Variants in RORA observed in about 807,000 individuals in gnomAD.
The protein encoded by RORA is nuclear receptor ROR-alpha.
RORA carries 7 observed loss-of-function variants against 69.5 expected under a neutral mutation model. The observed-to-expected ratio is 0.10, with a 90% CI of 0.06 to 0.19. The LOEUF (loss-of-function observed/expected upper bound fraction) is 0.19. RORA is among the 10% of genes least tolerant of loss of function. The pLI is 1.00. For missense variants in RORA, 457 were observed against 663.0 expected, an observed-to-expected ratio of 0.69 and a Z score of 3.41; for synonymous variants, 261 against 240.8, an observed-to-expected ratio of 1.08 and a Z score of -0.78.
intron 2 of RORA, among the ~76,000 whole-genome samples, chr15:60,650,345 A>G (rs1451707812): frequency 6.6e-6 from 1 of 152,064 alleles, no homozygotes; most frequent in African/African-American, 2.4e-5. Flanking sequence ...TTCAGTTTCT[A>G]TTTACGCTGC....
intron 2 of RORA, chr15:60,547,700 T>G (rs115801619): frequency 6.6e-6 from 1 of 151,982 alleles, no homozygotes; most frequent in African/African-American, 2.4e-5. Context: ...TAACTATTGG[T>G]TGTTTTCAAA....
chr15:61,177,143 T>C (rs2079636207), intron 1 of RORA, among the ~76,000 whole-genome samples: 1 of 152,214 alleles, frequency 6.6e-6, no homozygotes, highest in Non-Finnish European at 1.5e-5. Flanking sequence ...AGTTCTGATG[T>C]TTAATTCTAG....
intron 7 of RORA, 26 bp downstream of exon 7, chr15:60,503,509 T>G: frequency 1.2e-6 from 2 of 1,613,010 alleles, no homozygotes; most frequent in East Asian, 4.5e-5. Context: ...GGAAGAGATC[T>G]CAAAATTCAC....
chr15:60,684,158 G>T (rs1382577673), intron 1 of RORA, among the ~76,000 whole-genome samples: 2 of 151,780 alleles, frequency 1.3e-5, no homozygotes, highest in Non-Finnish European at 2.9e-5. Flanking sequence ...TACCAAACCA[G>T]CATTTCCAGA....
chr15:61,016,177 C>T (rs1025139980), intron 1 of RORA, among the ~76,000 whole-genome samples: 1 of 152,280 alleles, frequency 6.6e-6, no homozygotes, highest in South Asian at 2.1e-4. Context: ...ACATCTCAGT[C>T]TTCTCATCTC....
chr15:60,894,572 G>T (rs1039973138), intron 1 of RORA, among the ~76,000 whole-genome samples: 1 of 152,208 alleles, frequency 6.6e-6, no homozygotes, highest in African/African-American at 2.4e-5. Context: ...CTTCCTGGAG[G>T]ATGAGCAAGG....
intron 1 of RORA, among the ~76,000 whole-genome samples, chr15:60,750,769 T>A (rs2071712735): frequency 6.6e-6 from 1 of 152,204 alleles, no homozygotes; most frequent in South Asian, 2.1e-4. Context: ...GTATTTTACC[T>A]TCAGGGAAGG....
chr15:60,562,394 C>A lies in RORA; in HGVS notation c.197-30543G>T, dbSNP rs118069988. Among the ~76,000 whole-genome samples, 57 of 151,524 alleles carry A rather than the reference C, an allele frequency of 3.8e-4. No individual in the cohort carries two copies. In the East Asian group the frequency reaches 0.011, roughly 28 times the overall value. On this transcript the variant is annotated intron_variant, in intron 2 of 10. Transcript: ENST00000335670. ...GGGATGACAGGCATGTGCCAATATGCCCAGCTAGTTTTTACATTTTTTTTT... is the reference window on the plus strand; with the variant it reads ...GGGATGACAGGCATGTGCCAATATGACCAGCTAGTTTTTACATTTTTTTTT...
chr15:60,592,653 CGGG>C, intron 2 of RORA: 1 of 1,114,312 alleles, frequency 9.0e-7, no homozygotes. Context: ...AGGCGGGAGG[CGGG>C]AGGCAGGCGC....
rs143182346 is a variant in RORA, at chr15:60,757,429, A to T, written c.167-78743T>A. Among the ~76,000 whole-genome samples the T allele has an allele frequency of 3.2e-3, 480 of 152,276 alleles. 3 individuals are homozygous for T. The highest frequency in any genetic ancestry group is 0.011 in the African/African-American group (453 of 41,556). On this transcript the variant is annotated intron_variant, in intron 1 of 10. Coordinates refer to ENST00000335670, the MANE Select transcript of RORA (RefSeq NM_134261.3). ...CACCTTACACAGTCAAACTTCTGCA[A>T]AGAGTATTTTTCTGCCATTTTCTCT...
chr15:60,505,017 G>A (rs533897735), intron 6 of RORA, among the ~76,000 whole-genome samples: 7 of 152,194 alleles, frequency 4.6e-5, no homozygotes, highest in African/African-American at 1.7e-4. Context: ...AGGCAAGTAG[G>A]GTACTATTTG....
chr15:60,850,194 C>T (rs1241294164), intron 1 of RORA, among the ~76,000 whole-genome samples: 1 of 152,118 alleles, frequency 6.6e-6, no homozygotes, highest in Non-Finnish European at 1.5e-5. Flanking sequence ...CTGCCTCTCA[C>T]ATGTTTAGGG....
intron 1 of RORA, among the ~76,000 whole-genome samples, chr15:60,721,255 G>A (rs2071289984): frequency 6.6e-6 from 1 of 152,212 alleles, no homozygotes; most frequent in East Asian, 1.9e-4. Context: ...GCCGGGCGGG[G>A]AGAGCAGTCC....
intron 8 of RORA, 50 bp downstream of exon 8, chr15:60,502,710 C>T (rs1237928906): frequency 8.6e-7 from 1 of 1,161,832 alleles, no homozygotes; most frequent in South Asian, 1.3e-5. Flanking sequence ...CAACCCGCAT[C>T]TTTTCCTATA....
intron 1 of RORA, among the ~76,000 whole-genome samples, chr15:61,064,405 T>C (rs2078228629): frequency 6.6e-6 from 1 of 152,242 alleles, no homozygotes; most frequent in Non-Finnish European, 1.5e-5. Context: ...CCACTCTTAC[T>C]GGCTTTATAT....
intron 2 of RORA, among the ~76,000 whole-genome samples, chr15:60,675,473 C>T (rs1411320614): frequency 6.6e-6 from 1 of 152,208 alleles, no homozygotes; most frequent in Non-Finnish European, 1.5e-5. Flanking sequence ...TGAAGAACAT[C>T]ACAAATATAA....
At chr15:61,174,372 T>G (rs2079610057) in intron 1 of RORA, among the ~76,000 whole-genome samples, 1 of 152,168 alleles carries the variant, frequency 6.6e-6, no homozygotes, top group African/African-American at 2.4e-5. Context: ...CTTCCCCAGC[T>G]CTTAGCCAAC....
chr15:61,111,182 C>T (rs74020851), intron 1 of RORA, among the ~76,000 whole-genome samples: 31 of 152,298 alleles, frequency 2.0e-4, no homozygotes, highest in African/African-American at 6.7e-4. Context: ...GGTGAAGGAA[C>T]AATAGCAGTA....
intron 1 of RORA, among the ~76,000 whole-genome samples, chr15:60,984,671 A>T (rs924450963): frequency 3.3e-5 from 5 of 152,144 alleles, no homozygotes; most frequent in Admixed American, 3.3e-4. Flanking sequence ...TTGAGACAAG[A>T]TAAATACAGA....
Sources: gnomAD v4.1 joint callset for allele counts (sites outside exome capture counted in the v4.1 genomes callset) on GRCh38, gnomAD v4.1.1 for gene constraint, MANE v1.5 for transcripts, NCBI Gene and HGNC (gene_info 2026-07-23, HGNC 2026-07-21) for gene names.